Variants in ENGASE observed in about 807,000 individuals in gnomAD.
The protein encoded by ENGASE is cytosolic endo-beta-N-acetylglucosaminidase.
A neutral mutation model predicts 78.5 loss-of-function variants in ENGASE; 69 were observed. That is an observed-to-expected ratio of 0.88 (90% CI 0.72 to 1.07). ENGASE has a LOEUF of 1.07. Among genes scored for constraint, ENGASE ranks in the 50% least tolerant of loss-of-function variants. The probability of loss-of-function intolerance (pLI) is 0.00; values close to 1 mark genes in which losing one functional copy is unlikely to be tolerated. For synonymous variants in ENGASE, 408 were observed against 408.9 expected, an observed-to-expected ratio of 1.00 and a Z score of 0.03; for missense variants, 943 against 988.4, an observed-to-expected ratio of 0.95 and a Z score of 0.62.
chr17:79,082,645 C>T, intron 7 of ENGASE: 3 of 1,299,854 alleles, frequency 2.3e-6, no homozygotes, highest in Non-Finnish European at 3.0e-6. Context: ...TGTTCTCAGC[C>T]CTTAATTTAG....
intron 1 of ENGASE, among the ~76,000 whole-genome samples, chr17:79,076,640 C>T (rs955156192): frequency 4.6e-5 from 7 of 152,160 alleles, no homozygotes; most frequent in Admixed American, 2.0e-4. Context: ...ACCGAAGGAA[C>T]GAAGGAACTC....
intron 1 of ENGASE, chr17:79,075,798 G>A: frequency 2.0e-6 from 2 of 985,460 alleles, no homozygotes; most frequent in Non-Finnish European, 2.4e-6. Context: ...CATGAAGATG[G>A]GATGAAGGCT....
At chr17:79,076,700 A>G (rs2072976479) in intron 1 of ENGASE, among the ~76,000 whole-genome samples, 1 of 152,172 alleles carries the variant, frequency 6.6e-6, no homozygotes, top group East Asian at 1.9e-4. Context: ...CACTTAGGGA[A>G]GTGTGGCCTA....
At position 79,077,768 on chromosome 17, in the gene ENGASE, C is replaced by T; in HGVS notation, c.320C>T (p.Ala107Val). ...KPRLEDGFNV[A>V]LEPLACRQPP... ...CGCTTGGAGGATGGCTTTAATGTGG[C>T]CCTGGAGCCCCTGGCGTGTCGCCAG... Residue 107 changes from alanine (A) to valine (V), a missense_variant, in exon 3 of 14, where the codon GCC becomes GTC. Coordinates refer to ENST00000579016, the MANE Select transcript of ENGASE (RefSeq NM_001042573.3). The T allele has an allele frequency of 6.2e-7, 1 of 1,614,148 alleles. No individual in the cohort carries two copies. The highest frequency in any genetic ancestry group is 8.5e-7 in the Non-Finnish European group (1 of 1,180,048).
Position 79,086,332 on chromosome 17 carries a change from T to C in ENGASE, c.2215T>C (p.Tyr739His), listed in dbSNP as rs1480203357. The C allele has an allele frequency of 3.7e-6, 6 of 1,612,512 alleles. No homozygotes were observed. Among genetic ancestry groups the C allele is most frequent in the Non-Finnish European group, 5.1e-6 (6 of 1,179,622 alleles). The change falls in exon 14 of 14, where the codon TAT becomes CAT. Residue 739 changes from tyrosine (Y) to histidine (H), a missense_variant. Coordinates refer to ENST00000579016, the MANE Select transcript of ENGASE (RefSeq NM_001042573.3). ...QAEWGRAVLL[Y>H]SAPA ...CGAGTGGGGCAGGGCAGTTCTGCTT[T>C]ATTCAGCCCCTGCATGAGCGGATGC...
chr17:79,080,301 G>A lies in ENGASE; in HGVS notation c.660G>A (p.Leu220=), dbSNP rs1387702560. 5 of 1,613,858 alleles carry A rather than the reference G, an allele frequency of 3.1e-6. No individual in the cohort carries two copies. In the African/African-American group the frequency reaches 4.0e-5, roughly 13 times the overall value. The change falls in exon 5 of 14, where the codon CTG becomes CTA. Residue 220 remains leucine, a synonymous_variant. Transcript: ENST00000579016. The part of the protein sequence containing the change: ...ERSYQAVADR[L]VQITQFFRFD... ...CGTACCAGGCAGTGGCTGACCGGCT[G>A]GTCCAGATCACTCAGTTTTTTCGTT... is the stretch of plus-strand genomic sequence containing the variant.
At chr17:79,081,711 T>C (rs2073141725) in intron 6 of ENGASE, among the ~76,000 whole-genome samples, 187 bp from the exon 7 acceptor site, 2 of 142,744 alleles carry the variant, frequency 1.4e-5, no homozygotes, top group East Asian at 4.3e-4. Context: ...GGGGTGGCCC[T>C]GTCCCTCTGG....
rs1197574876 is a variant in ENGASE, at chr17:79,087,766, C to A, written c.*1417C>A. ...CACCCTGCAGTGAGGGAAGAGGCCA[C>A]CAGGTGGCAGCACAGCCACACCCGT... On this transcript the variant is annotated 3_prime_UTR_variant, in exon 14 of 14. Transcript: ENST00000579016. The A allele has an allele frequency of 6.6e-6, 1 of 152,282 alleles. No homozygotes were observed. Among genetic ancestry groups the A allele is most frequent in the Non-Finnish European group, 1.5e-5 (1 of 68,140 alleles). The allele number at this position is 152,282 out of a possible 1,614,324, so 9.4% of individuals were successfully genotyped here.
intron 10 of ENGASE, chr17:79,084,250 GC>G: frequency 9.3e-6 from 1 of 107,364 alleles, no homozygotes; most frequent in Non-Finnish European, 1.5e-5. Context: ...TCCTCCCCCA[GC>G]CCCCCAAAGC....
In ENGASE at chr17:79,077,667, ATAT is replaced by A. The variant is rs1157007606; in HGVS notation, c.223_225del (p.Tyr75del). 1 of 1,614,070 alleles carries A rather than the reference ATAT, an allele frequency of 6.2e-7. No individual in the cohort carries two copies. Among genetic ancestry groups the A allele is most frequent in the Non-Finnish European group, 8.5e-7 (1 of 1,180,022 alleles). On this transcript the variant is annotated inframe_deletion, in exon 3 of 14. Transcript: ENST00000579016. ...ATGTTTCTGTCCTCGGACCAGTTAG[ATAT>A]TATGACAAGGACACCACCAAACCAA... is the stretch of plus-strand genomic sequence containing the variant.
At chr17:79,077,594 TG>T in intron 2 of ENGASE, 68 bp from the exon 3 acceptor site, 1 of 1,591,336 alleles carries the variant, frequency 6.3e-7, no homozygotes. Context: ...TCTCTGTTAT[TG>T]TTAAAATGTT....
At position 79,080,918 on chromosome 17, in the gene ENGASE, C is replaced by T; in HGVS notation, c.724-7C>T. On this transcript the variant is annotated splice_polypyrimidine_tract_variant and splice_region_variant and intron_variant, in intron 5 of 13. Coordinates refer to ENST00000579016, the MANE Select transcript of ENGASE (RefSeq NM_001042573.3). Reference sequence around the variant, plus strand: ...ACTGAGGCTCTCACCTTGTTCTTCTCTTTCAGCTGGCCGCTGTGGGGAACA... The same window carrying T: ...ACTGAGGCTCTCACCTTGTTCTTCTTTTTCAGCTGGCCGCTGTGGGGAACA... The T allele has an allele frequency of 2.5e-6, 4 of 1,608,830 alleles. No homozygotes were observed. The highest frequency in any genetic ancestry group is 4.5e-5 in the East Asian group (2 of 44,788).
Position 79,077,643 on chromosome 17 carries a change from T to C in ENGASE, c.215-20T>C, listed in dbSNP as rs1173935649. On this transcript the variant is annotated intron_variant, in intron 2 of 13. Coordinates refer to ENST00000579016, the MANE Select transcript of ENGASE (RefSeq NM_001042573.3). ...ATAATAGTTTCCATTAATTGCTCAA[T>C]GTTTCTGTCCTCGGACCAGTTAGAT... 6.2e-7 allele frequency: 1 copy of C among 1,612,830 alleles called. No homozygotes were observed. The highest frequency in any genetic ancestry group is 1.7e-5 in the Admixed American group (1 of 59,850).
At position 79,075,231 on chromosome 17, in the gene ENGASE, G is replaced by A. The variant is rs903309593; in HGVS notation, c.146+141G>A. On this transcript the variant is annotated intron_variant, in intron 1 of 13. Coordinates refer to ENST00000579016, the MANE Select transcript of ENGASE (RefSeq NM_001042573.3). ...CGCTCCGTGCACAGTAAGGGACAGA[G>A]GGTGGCAGCGCCCCTCCGCCCCGGT... The A allele has an allele frequency of 1.5e-5, 15 of 1,013,166 alleles. No individual in the cohort carries two copies. The East Asian group carries it at 5.8e-4, about 39-fold the overall frequency. 62.8% of individuals were successfully genotyped at this position (1,013,166 alleles called of 1,614,324 possible). A position where few individuals can be genotyped will look rare whatever the true frequency, so the allele number is the denominator to read the frequency against.
chr17:79,077,570 C>G (rs1175606129), intron 2 of ENGASE, 73 bp downstream of exon 2: 3 of 1,561,622 alleles, frequency 1.9e-6, no homozygotes, highest in Non-Finnish European at 2.6e-6. Context: ...GCCCCTGCCC[C>G]CTCTCATGTT....
In ENGASE at chr17:79,077,832, T is replaced by C; in HGVS notation, c.384T>C (p.Cys128=). 1.2e-6 allele frequency: 2 copies of C among 1,613,704 alleles called. No homozygotes were observed. The highest frequency in any genetic ancestry group is 1.1e-5 in the South Asian group (1 of 91,078). The change falls in exon 3 of 14, where the codon TGT becomes TGC. Residue 128 remains cysteine (C), a synonymous_variant. Coordinates refer to ENST00000579016, the MANE Select transcript of ENGASE (RefSeq NM_001042573.3). ...GCCAGAGGCCCCGGACTTTGTTGTG[T>C]CATGACATGATGGGCGGGTACCTGG... ...LSSQRPRTLL[C]HDMMGGYLDD...
At chr17:79,084,056 G>A (rs1599347108) in intron 10 of ENGASE, 105 bp downstream of exon 10, 4 of 987,752 alleles carry the variant, frequency 4.0e-6, no homozygotes, top group Non-Finnish European at 4.5e-6. Context: ...AAGGACAGAG[G>A]ACAGACCCAG....
chr17:79,078,503 C>T (rs1331217909), intron 3 of ENGASE, among the ~76,000 whole-genome samples: 3 of 152,146 alleles, frequency 2.0e-5, no homozygotes, highest in Non-Finnish European at 4.4e-5. Flanking sequence ...CTGTCCGCAG[C>T]CTCACCCCCT....
chr17:79,085,750 G>GGGGCTC lies in ENGASE; in HGVS notation c.1815+22_1815+27dup, dbSNP rs1472383976. The GGGGCTC allele has an allele frequency of 1.2e-6, 2 of 1,611,942 alleles. No individual in the cohort carries two copies. Among genetic ancestry groups the GGGGCTC allele is most frequent in the Non-Finnish European group, 1.7e-6 (2 of 1,179,432 alleles). The stretch of plus-strand genomic sequence containing the variant: ...AGAGATCCAGGTGATGCTTCCCAGA[G>GGGGCTC]GGGCTCGGGCTGGGCTGGCTGTTTG... On this transcript the variant is annotated intron_variant, in intron 13 of 13. Coordinates refer to ENST00000579016, the MANE Select transcript of ENGASE (RefSeq NM_001042573.3).
Sources: allele counts gnomAD v4.1 joint callset (sites outside exome capture counted in the v4.1 genomes callset), GRCh38; gene constraint gnomAD v4.1.1; transcripts MANE v1.5; gene names NCBI Gene and HGNC (gene_info 2026-07-23, HGNC 2026-07-21).